The following ADD1 variants were observed in gnomAD, a reference collection of about 807,000 sequenced individuals.
The protein encoded by ADD1 is alpha-adducin.
ADD1 carries 24 observed loss-of-function variants against 80.5 expected under a neutral mutation model. The observed-to-expected ratio is 0.30, with a 90% confidence interval of 0.22 to 0.42. The LOEUF (loss-of-function observed/expected upper bound fraction) is 0.42. Among genes scored for constraint, ADD1 ranks in the 10% least tolerant of loss-of-function variants. ADD1 has a pLI of 1.00. For synonymous variants in ADD1, 373 were observed against 393.8 expected (o/e 0.95, Z 0.63); for missense variants, 948 against 1,019.0 (o/e 0.93, Z 0.95).
At chr4:2,915,393 C>G (rs981027270) in intron 14 of ADD1, among the ~76,000 whole-genome samples, 1 of 152,208 alleles carries the variant, frequency 6.6e-6, no homozygotes, top group Non-Finnish European at 1.5e-5. Flanking sequence ...ATAATCCCAG[C>G]ACTTTGGGAG....
At chr4:2,850,261 A>C (rs536217903) in intron 1 of ADD1, among the ~76,000 whole-genome samples, 11 of 152,296 alleles carry the variant, frequency 7.2e-5, no homozygotes, top group African/African-American at 2.6e-4. Context: ...TCAATAGGCA[A>C]ATCTTTTTGT....
Position 2,882,032 on chromosome 4 carries a change from G to T in ADD1, c.330G>T (p.Pro110=), listed in dbSNP as rs757515922. 5.6e-6 allele frequency: 9 copies of T among 1,609,786 alleles called. No individual in the cohort carries two copies. Among genetic ancestry groups the T allele is most frequent in the Non-Finnish European group, 7.6e-6 (9 of 1,178,940 alleles). The change falls in exon 3 of 16, where the codon CCG becomes CCT. Residue 110 remains proline (P), a synonymous_variant. Transcript: ENST00000683351. The part of the protein sequence containing the change: ...TNVPNVYPAA[P]QGGMAALNMS... ...TACCAAATGTCTACCCAGCAGCTCC[G>T]CAAGGAGGGATGGCTGCCTTAAACA...
chr4:2,886,298 A>C (rs970357244), intron 4 of ADD1, among the ~76,000 whole-genome samples: 1 of 152,154 alleles, frequency 6.6e-6, no homozygotes, highest in East Asian at 1.9e-4. Context: ...GAGGAATGCT[A>C]AGCCTCTTGA....
intron 1 of ADD1, among the ~76,000 whole-genome samples, chr4:2,849,107 C>A (rs1455073113): frequency 6.6e-6 from 1 of 152,128 alleles, no homozygotes; most frequent in Non-Finnish European, 1.5e-5. Context: ...TATACTCCTA[C>A]CAACTGTGTA....
intron 14 of ADD1, among the ~76,000 whole-genome samples, chr4:2,917,179 C>T (rs1354311718): frequency 5.9e-5 from 9 of 152,228 alleles, no homozygotes; most frequent in Non-Finnish European, 4.4e-5. Context: ...TATTTCTCCA[C>T]ATCCTCTCCA....
intron 13 of ADD1, among the ~76,000 whole-genome samples, chr4:2,911,601 A>G (rs545572872): frequency 4.2e-4 from 64 of 151,764 alleles, no homozygotes; most frequent in African/African-American, 1.5e-3. Flanking sequence ...CTACAGGTGC[A>G]CATCACCACA....
rs1304274251 is a variant in ADD1, at chr4:2,894,523, A to G, written c.592-59A>G. Reference sequence around the variant, plus strand: ...CAGACCCTATCAAAAAAAAAAAAAAAAAGAAAAGAAAAAATGAAGTCCTCT... The same window carrying G: ...CAGACCCTATCAAAAAAAAAAAAAAGAAGAAAAGAAAAAATGAAGTCCTCT... On this transcript the variant is annotated intron_variant, in intron 5 of 15. Coordinates refer to ENST00000683351, the MANE Select transcript of ADD1 (RefSeq NM_001354761.2). 9 of 1,503,212 alleles carry G rather than the reference A, an allele frequency of 6.0e-6. No individual in the cohort carries two copies. The African/African-American group carries it at 1.0e-4, about 17-fold the overall frequency. 93.1% of individuals were successfully genotyped at this position (1,503,212 alleles called of 1,614,324 possible).
chr4:2,904,013 T>C (rs1302589316), intron 9 of ADD1, among the ~76,000 whole-genome samples: 5 of 152,228 alleles, frequency 3.3e-5, no homozygotes, highest in African/African-American at 1.2e-4. Context: ...CTTACCTTAC[T>C]TACCTAAAGA....
chr4:2,890,692 G>A (rs1378541202), intron 4 of ADD1, among the ~76,000 whole-genome samples: 3 of 152,130 alleles, frequency 2.0e-5, no homozygotes, highest in Non-Finnish European at 4.4e-5. Flanking sequence ...ACAGGCATGA[G>A]CCACCATGCC....
At chr4:2,847,212 C>T (rs1473957389) in intron 1 of ADD1, among the ~76,000 whole-genome samples, 2 of 152,024 alleles carry the variant, frequency 1.3e-5, no homozygotes, top group Non-Finnish European at 2.9e-5. Context: ...CGCCTGAGGT[C>T]AGGAGTTTGA....
At chr4:2,914,709 A>G in intron 13 of ADD1, 175 bp from the exon 14 acceptor site, 1 of 641,812 alleles carries the variant, frequency 1.6e-6, no homozygotes, top group Middle Eastern at 4.5e-4. Context: ...TGTTTCCATT[A>G]TATACCACTG....
chr4:2,885,980 G>C (rs1356204055), intron 4 of ADD1, among the ~76,000 whole-genome samples: 1 of 152,132 alleles, frequency 6.6e-6, no homozygotes, highest in African/African-American at 2.4e-5. Context: ...TGTAGAGATA[G>C]CTTCTTCCTT....
In ADD1 at chr4:2,914,973, C is replaced by A. The variant is rs1238542570; in HGVS notation, c.1881C>A (p.Thr627=). Residue 627 remains threonine, a synonymous_variant, in exon 14 of 16, where the codon ACC becomes ACA. Transcript: ENST00000683351. ...IVSTTGPNPF[T]TLTDRELEEY... ...GCACCACGGGCCCCAACCCCTTCAC[C>A]ACACTCACAGACCGTGAGCTGGAGG... 6.2e-7 allele frequency: 1 copy of A among 1,614,188 alleles called. No homozygotes were observed. Among genetic ancestry groups the A allele is most frequent in the Non-Finnish European group, 8.5e-7 (1 of 1,180,016 alleles).
chr4:2,882,972 C>G (rs1327430023), intron 3 of ADD1, among the ~76,000 whole-genome samples: 1 of 152,182 alleles, frequency 6.6e-6, no homozygotes, highest in Non-Finnish European at 1.5e-5. Context: ...AGCTGTTCTC[C>G]TGCCTCAGCC....
intron 2 of ADD1, among the ~76,000 whole-genome samples, chr4:2,877,019 A>G (rs796678417): frequency 1.5e-5 from 2 of 135,634 alleles, no homozygotes; most frequent in Non-Finnish European, 3.2e-5. Context: ...AAAAAAAAAA[A>G]CCCTAGCTCA....
At chr4:2,885,775 A>C (rs547673524) in intron 4 of ADD1, among the ~76,000 whole-genome samples, 1 of 150,374 alleles carries the variant, frequency 6.7e-6, no homozygotes, top group East Asian at 1.9e-4. Flanking sequence ...ACGCCTGGCT[A>C]ATTTTTTTGT....
At chr4:2,908,488 ATGT>A (rs774087202) in intron 11 of ADD1, 24 bp from the exon 12 acceptor site, 1 of 1,600,402 alleles carries the variant, frequency 6.2e-7, no homozygotes, top group Non-Finnish European at 8.6e-7. Flanking sequence ...AGGACTGTTG[ATGT>A]GTGCCTCTCC....
chr4:2,914,881 C>G lies in ADD1; in HGVS notation c.1792-3C>G, dbSNP rs574470876. 1 of 1,607,526 alleles carries G rather than the reference C, an allele frequency of 6.2e-7. No homozygotes were observed. Among genetic ancestry groups the G allele is most frequent in the Non-Finnish European group, 8.5e-7 (1 of 1,176,494 alleles). Reference sequence around the variant, plus strand: ...GCAGACCAGATGTGCCTTTCATCCACAGGGAGAGCTGGTGACGGCCTCCAA... The same window carrying G: ...GCAGACCAGATGTGCCTTTCATCCAGAGGGAGAGCTGGTGACGGCCTCCAA... On this transcript the variant is annotated splice_region_variant and splice_polypyrimidine_tract_variant and intron_variant, in intron 13 of 15. Transcript: ENST00000683351.
intron 9 of ADD1, chr4:2,900,749 C>T (rs935961071): frequency 7.2e-5 from 11 of 152,162 alleles, no homozygotes; most frequent in African/African-American, 2.2e-4. Context: ...TCTGCCTGGG[C>T]GCGATAGTCA....
Sources: gnomAD v4.1 joint callset for allele counts (sites outside exome capture counted in the v4.1 genomes callset) on GRCh38, gnomAD v4.1.1 for gene constraint, MANE v1.5 for transcripts, NCBI Gene and HGNC (gene_info 2026-07-23, HGNC 2026-07-21) for gene names.